PTPN14: variants seen among roughly 807,000 people sequenced by gnomAD.
The protein encoded by PTPN14 is protein tyrosine phosphatase non-receptor type 14.
PTPN14 carries 53 observed loss-of-function variants against 126.8 expected under a neutral mutation model. The ratio of observed to expected loss-of-function variants is 0.42; its 90% CI spans 0.34 to 0.53. The LOEUF is 0.53. Ranked by LOEUF, PTPN14 falls within the 20% of genes least tolerant of loss-of-function variation. The pLI, the probability that PTPN14 is intolerant of heterozygous loss-of-function variation, is 0.08. For synonymous variants in PTPN14, 630 were observed against 599.3 expected (o/e 1.05, Z -0.75); for missense variants, 1,257 against 1,552.9 (o/e 0.81, Z 3.20).
At chr1:214,378,146 T>C (rs1334409909) in intron 13 of PTPN14, 44 bp from the exon 14 acceptor site, 1 of 1,562,158 alleles carries the variant, frequency 6.4e-7, no homozygotes, top group Admixed American at 1.8e-5. Context: ...ATAATACTAG[T>C]AGAATGTTGG....
chr1:214,460,626 TACACACA>T, intron 2 of PTPN14, among the ~76,000 whole-genome samples: 1 of 7,684 alleles, frequency 1.3e-4, no homozygotes, highest in East Asian at 3.1e-3. Flanking sequence ...CACACACACA[TACACACA>T]CACACATCAG....
chr1:214,422,173 C>T (rs1366046384), intron 3 of PTPN14, among the ~76,000 whole-genome samples: 1 of 152,208 alleles, frequency 6.6e-6, no homozygotes, highest in Non-Finnish European at 1.5e-5. Flanking sequence ...AAATGGAACT[C>T]ATCACACATC....
intron 15 of PTPN14, among the ~76,000 whole-genome samples, chr1:214,374,791 G>A (rs2102525194): frequency 1.3e-5 from 2 of 152,308 alleles, no homozygotes; most frequent in East Asian, 3.9e-4. Flanking sequence ...AATGCCCGAT[G>A]GGCACAGTTT....
intron 9 of PTPN14, among the ~76,000 whole-genome samples, chr1:214,394,674 T>A (rs1279413009): frequency 6.6e-6 from 1 of 152,162 alleles, no homozygotes; most frequent in Non-Finnish European, 1.5e-5. Context: ...TCCCAAAGTG[T>A]TGGGATTACA....
In PTPN14 at chr1:214,383,855, C is replaced by A. The variant is rs754960996; in HGVS notation, c.2000G>T (p.Arg667Leu). 1 of 1,612,620 alleles carries A rather than the reference C, an allele frequency of 6.2e-7. No individual in the cohort carries two copies. Among genetic ancestry groups the A allele is most frequent in the East Asian group, 2.2e-5 (1 of 44,852 alleles). Reference protein sequence around the residue: ...TLKSLHLPMARRNTLREQGPP... With the variant: ...TLKSLHLPMALRNTLREQGPP... ...TCCCTGCTCCCGGAGCGTGTTGCGG[C>A]GAGCCATGGGGAGGTGGAGCGACTT... The change falls in exon 13 of 19, where the codon CGC (arginine) becomes CTC (leucine). Residue 667 changes from arginine (R) to leucine (L), a missense_variant. Physicochemically the swap from Arg to Leu is moderately radical, Grantham distance 102 (BLOSUM62 -2). This residue lies in a region of PTPN14 where 1,021 missense variants were observed against 1,183.3 expected (regional missense o/e 0.86). Transcript: ENST00000366956. This position sits in a 1 kb window ranked among gnomAD's most constrained non-coding sequence, Gnocchi z 4.4.
intron 1 of PTPN14, among the ~76,000 whole-genome samples, chr1:214,547,232 T>C (rs1655994870): frequency 2.0e-5 from 3 of 152,168 alleles, no homozygotes; most frequent in African/African-American, 7.2e-5. Context: ...CCCCTCCTAT[T>C]ACAAAAGTCC....
chr1:214,497,377 G>C (rs897229235), intron 1 of PTPN14, among the ~76,000 whole-genome samples: 1 of 152,104 alleles, frequency 6.6e-6, no homozygotes, highest in Non-Finnish European at 1.5e-5. Context: ...AAAAATTAAA[G>C]AGATCATTTT....
chr1:214,464,140 GTCATGCTCACTCTAAATGC>G (rs1660572161), intron 2 of PTPN14, among the ~76,000 whole-genome samples: 1 of 148,084 alleles, frequency 6.8e-6, no homozygotes, highest in Admixed American at 6.8e-5. Flanking sequence ...AGCCTCACTG[GTCATGCTCACTCTAAATGC>G]TTTTTCTCTT....
intron 1 of PTPN14, among the ~76,000 whole-genome samples, chr1:214,499,702 G>A (rs1342826049): frequency 1.3e-5 from 2 of 152,074 alleles, no homozygotes; most frequent in Admixed American, 6.6e-5. Context: ...TCACGTAACT[G>A]CAGTTTTTTA....
At chr1:214,412,736 A>C (rs1659336970) in intron 4 of PTPN14, among the ~76,000 whole-genome samples, 1 of 152,208 alleles carries the variant, frequency 6.6e-6, no homozygotes, top group Admixed American at 6.5e-5. Flanking sequence ...AGCTTCAAGG[A>C]CCCAACAAAA....
intron 1 of PTPN14, among the ~76,000 whole-genome samples, chr1:214,550,811 G>A (rs1038716145): frequency 1.4e-4 from 22 of 152,184 alleles, no homozygotes; most frequent in Non-Finnish European, 2.8e-4. Context: ...GACGTCGTTC[G>A]TCTTTCATCC....
intron 5 of PTPN14, among the ~76,000 whole-genome samples, chr1:214,406,807 CAA>C: frequency 6.6e-6 from 1 of 152,286 alleles, no homozygotes; most frequent in South Asian, 2.1e-4. Flanking sequence ...TTACCATTTA[CAA>C]ACTCATAAAT....
At chr1:214,398,335 T>C (rs1295090147) in intron 7 of PTPN14, among the ~76,000 whole-genome samples, 1 of 152,188 alleles carries the variant, frequency 6.6e-6, no homozygotes, top group Non-Finnish European at 1.5e-5. Flanking sequence ...GGCTGGAGAA[T>C]GGGAGGAATG....
Position 214,440,814 on chromosome 1 carries a change from T to C in PTPN14, c.344+10991A>G, listed in dbSNP as rs191888140. On this transcript the variant is annotated intron_variant, in intron 3 of 18. Transcript: ENST00000366956. ...AAGAATGTGTAAATGCTGCTGACTA[T>C]TAACTCCCTAGGGAGTGGAGAACTA... Among the ~76,000 whole-genome samples, 503 of 152,332 alleles carry C rather than the reference T, an allele frequency of 3.3e-3. 13 individuals are homozygous for C. Among genetic ancestry groups the C allele is most frequent in the Non-Finnish European group, 7.1e-4 (48 of 68,022 alleles).
chr1:214,507,922 A>T (rs1049085247), intron 1 of PTPN14, among the ~76,000 whole-genome samples: 5 of 152,160 alleles, frequency 3.3e-5, no homozygotes, highest in Admixed American at 3.3e-4. Context: ...TCCAGGCTGC[A>T]GTGAGCTATG....
intron 1 of PTPN14, among the ~76,000 whole-genome samples, chr1:214,466,963 A>G (rs563152478): frequency 5.3e-5 from 8 of 152,318 alleles, no homozygotes; most frequent in African/African-American, 1.7e-4. Flanking sequence ...AGCCTCCCAC[A>G]GCAGGTCTTT....
intron 5 of PTPN14, among the ~76,000 whole-genome samples, chr1:214,406,201 C>T (rs994155309): frequency 2.0e-5 from 3 of 152,110 alleles, no homozygotes; most frequent in East Asian, 1.9e-4. Flanking sequence ...TAGCCAAGGC[C>T]GTTGCAGTGG....
rs12754927 is a variant in PTPN14 at position 214,355,202 on chromosome 1, A to G, written c.*2720T>C. 4.6e-5 allele frequency: 7 copies of G among 152,222 alleles called. No individual in the cohort carries two copies. Among genetic ancestry groups the G allele is most frequent in the Non-Finnish European group, 8.8e-5 (6 of 68,046 alleles). 9.4% of individuals were successfully genotyped at this position (152,222 alleles called of 1,614,324 possible). A position where few individuals can be genotyped will look rare whatever the true frequency, so the allele number is the denominator to read the frequency against. ...CCTCCCTGCATTTTGTACACTAATG[A>G]ATATTCCCGTAGCATACGGCAGGGA... is the stretch of plus-strand genomic sequence containing the variant. On this transcript the variant is annotated 3_prime_UTR_variant, in exon 19 of 19. Coordinates refer to ENST00000366956, the MANE Select transcript of PTPN14 (RefSeq NM_005401.5).
rs1410584878 is a variant in PTPN14, at chr1:214,353,443, G to C, written c.*4479C>G. ...AATATTTTTCAATCTGTACTTGGTT[G>C]AATATAGGGATGTGGAACCCACAGA... On this transcript the variant is annotated 3_prime_UTR_variant, in exon 19 of 19. Coordinates refer to ENST00000366956, the MANE Select transcript of PTPN14 (RefSeq NM_005401.5). The C allele has an allele frequency of 1.3e-5, 2 of 152,208 alleles. No individual in the cohort carries two copies. Among genetic ancestry groups the C allele is most frequent in the Non-Finnish European group, 2.9e-5 (2 of 68,050 alleles). The allele number at this position is 152,208 out of a possible 1,614,324, so 9.4% of individuals were successfully genotyped here. A position where few individuals can be genotyped will look rare whatever the true frequency, so the allele number is the denominator to read the frequency against.
Sources: gnomAD v4.1 joint callset for allele counts (sites outside exome capture counted in the v4.1 genomes callset) on GRCh38, gnomAD v4.1.1 for gene constraint, gnomAD v4.1.1 regional missense constraint, Gnocchi (gnomAD v3.1) non-coding constraint, MANE v1.5 for transcripts, NCBI Gene and HGNC (gene_info 2026-07-23, HGNC 2026-07-21) for gene names.